CADM1: variants seen among roughly 807,000 people sequenced by gnomAD.
The protein encoded by CADM1 is cell adhesion molecule 1.
CADM1 carries 15 observed loss-of-function variants against 53.1 expected under a neutral mutation model. That is an observed-to-expected ratio of 0.28 (90% CI 0.19 to 0.44). CADM1 has a LOEUF of 0.44. CADM1 is among the 20% of genes least tolerant of loss of function. The pLI, the probability that CADM1 is intolerant of heterozygous loss-of-function variation, is 1.00. For synonymous variants in CADM1, 281 were observed against 243.0 expected (o/e 1.16, Z -1.45); for missense variants, 434 against 611.3 (o/e 0.71, Z 3.06).
intron 6 of CADM1, among the ~76,000 whole-genome samples, chr11:115,217,275 T>G (rs950002007): frequency 2.6e-5 from 4 of 152,202 alleles, no homozygotes; most frequent in African/African-American, 9.6e-5. Context: ...GCAACTCAAG[T>G]GGCTCCTTTA....
chr11:115,363,768 T>C (rs2135102170), intron 1 of CADM1: 1 of 152,306 alleles, frequency 6.6e-6, no homozygotes, highest in East Asian at 1.9e-4. Flanking sequence ...TGTGTTCTTA[T>C]AATTTTAAAT....
chr11:115,348,123 G>C (rs561872448), intron 1 of CADM1, among the ~76,000 whole-genome samples: 10 of 152,114 alleles, frequency 6.6e-5, no homozygotes, highest in Admixed American at 2.0e-4. Context: ...AGTAGTGCTT[G>C]CCTATTGAAA....
At chr11:115,272,067 T>C (rs993955344) in intron 1 of CADM1, among the ~76,000 whole-genome samples, 1 of 136,076 alleles carries the variant, frequency 7.3e-6, no homozygotes, top group Non-Finnish European at 1.6e-5. Context: ...CTTTTTCTGG[T>C]TCATTATAGA....
chr11:115,422,273 T>C (rs186783941), intron 1 of CADM1, among the ~76,000 whole-genome samples: 56 of 152,272 alleles, frequency 3.7e-4, no homozygotes, highest in African/African-American at 1.3e-3. Context: ...CAGGATAGTT[T>C]TCCATTTAAA....
chr11:115,189,095 G>A (rs1212689553), intron 10 of CADM1, among the ~76,000 whole-genome samples: 1 of 152,164 alleles, frequency 6.6e-6, no homozygotes, highest in East Asian at 1.9e-4. Context: ...CGGCTCCTGA[G>A]CAATATATGA....
chr11:115,421,355 G>C (rs779375063), intron 1 of CADM1, among the ~76,000 whole-genome samples: 4 of 152,204 alleles, frequency 2.6e-5, no homozygotes, highest in Non-Finnish European at 5.9e-5. Context: ...TACTTGACAA[G>C]TGGGAGATGT....
Position 115,240,290 on chromosome 11 carries a change from A to G in CADM1, c.255T>C (p.Tyr85=), listed in dbSNP as rs1942181587. 1 of 1,613,608 alleles carries G rather than the reference A, an allele frequency of 6.2e-7. No homozygotes were observed. Among genetic ancestry groups the G allele is most frequent in the Non-Finnish European group, 8.5e-7 (1 of 1,179,796 alleles). The change falls in exon 2 of 12, where the codon TAT becomes TAC. Residue 85 remains tyrosine (Y), a synonymous_variant. Transcript: ENST00000331581. ...GAAACTTACGCCTGAAGTCCCTGAA[A>G]TAAATGGTCTGCCTGTTGGGATTCA... The part of the protein sequence containing the change: ...QLLNPNRQTI[Y]FRDFRPLKDS...
At chr11:115,403,138 T>C (rs1272286238) in intron 1 of CADM1, among the ~76,000 whole-genome samples, 2 of 152,214 alleles carry the variant, frequency 1.3e-5, no homozygotes, top group Non-Finnish European at 2.9e-5. Flanking sequence ...GACTTCCTCA[T>C]ACGTTACACT....
At chr11:115,240,675 A>G in intron 1 of CADM1, 1 of 508,978 alleles carries the variant, frequency 2.0e-6, no homozygotes, top group South Asian at 2.0e-5. Flanking sequence ...AGCCTCTAGT[A>G]CTTTGTACTA....
chr11:115,360,880 T>C, intron 1 of CADM1, among the ~76,000 whole-genome samples: 1 of 152,240 alleles, frequency 6.6e-6, no homozygotes, highest in East Asian at 1.9e-4. Context: ...TTTTATGTTT[T>C]TTAAGATTTT....
At chr11:115,409,402 G>GTT (rs999704620) in intron 1 of CADM1, among the ~76,000 whole-genome samples, 1 of 151,652 alleles carries the variant, frequency 6.6e-6, no homozygotes, top group Admixed American at 6.6e-5. Context: ...CTTATTTTTC[G>GTT]TTTTTTTTGT....
chr11:115,412,670 CTT>C (rs1488291132), intron 1 of CADM1, among the ~76,000 whole-genome samples: 1 of 152,116 alleles, frequency 6.6e-6, no homozygotes, highest in Non-Finnish European at 1.5e-5. Context: ...GGCTGTGCCA[CTT>C]TTGTGCCGAC....
intron 1 of CADM1, among the ~76,000 whole-genome samples, chr11:115,372,737 A>G (rs1213914539): frequency 2.0e-5 from 3 of 152,204 alleles, no homozygotes; most frequent in African/African-American, 7.2e-5. Context: ...TCAGATATAG[A>G]TCTATAGTCT....
At chr11:115,270,361 G>A (rs955712387) in intron 1 of CADM1, among the ~76,000 whole-genome samples, 1 of 152,148 alleles carries the variant, frequency 6.6e-6, no homozygotes, top group African/African-American at 2.4e-5. Context: ...GAAAAATGTT[G>A]ATTCAGCCCT....
At chr11:115,219,153 A>T (rs556541893) in intron 5 of CADM1, among the ~76,000 whole-genome samples, 2 of 152,274 alleles carry the variant, frequency 1.3e-5, no homozygotes, top group African/African-American at 2.4e-5. Flanking sequence ...TTCTCAGACA[A>T]TCATACCACC....
At chr11:115,382,601 T>C (rs1279835245) in intron 1 of CADM1, among the ~76,000 whole-genome samples, 2 of 152,150 alleles carry the variant, frequency 1.3e-5, no homozygotes, top group Non-Finnish European at 2.9e-5. Context: ...GATTTGCAAG[T>C]CCTTGTATAG....
chr11:115,338,330 T>C (rs1008682501), intron 1 of CADM1, among the ~76,000 whole-genome samples: 2 of 152,142 alleles, frequency 1.3e-5, no homozygotes, highest in Non-Finnish European at 2.9e-5. Context: ...TAAGGTTACT[T>C]ACACAGCTAG....
intron 6 of CADM1, among the ~76,000 whole-genome samples, chr11:115,216,818 G>C (rs1276138011): frequency 6.6e-6 from 1 of 152,192 alleles, no homozygotes; most frequent in Non-Finnish European, 1.5e-5. Context: ...TGGCTTTCTG[G>C]TCTCTTGTCA....
At chr11:115,493,177 T>C (rs1352367404) in intron 1 of CADM1, among the ~76,000 whole-genome samples, 4 of 150,822 alleles carry the variant, frequency 2.7e-5, no homozygotes, top group Non-Finnish European at 1.5e-5. Context: ...TAAAAATTAA[T>C]GAGAATATAT....
Sources: allele counts gnomAD v4.1 joint callset (sites outside exome capture counted in the v4.1 genomes callset), GRCh38; gene constraint gnomAD v4.1.1; transcripts MANE v1.5; gene names NCBI Gene and HGNC (gene_info 2026-07-23, HGNC 2026-07-21).